CCDC141: variants seen among roughly 807,000 people sequenced by gnomAD.
The protein encoded by CCDC141 is coiled-coil domain containing 141.
Under a neutral mutation model 181.0 loss-of-function variants are expected in CCDC141, and 168 were observed. That is an observed-to-expected ratio of 0.93 (90% CI 0.82 to 1.05). The LOEUF (loss-of-function observed/expected upper bound fraction) is 1.05. Among genes scored for constraint, CCDC141 ranks in the 50% least tolerant of loss-of-function variants. The pLI, the probability that CCDC141 is intolerant of heterozygous loss-of-function variation, is 0.00. For missense variants in CCDC141, 1,902 were observed against 1,788.5 expected, an observed-to-expected ratio of 1.06 and a Z score of -1.14; for synonymous variants, 666 against 642.3, an observed-to-expected ratio of 1.04 and a Z score of -0.56.
At chr2:178,826,223 G>T (rs1024542012), downstream of CCDC141, among the ~76,000 whole-genome samples, 1 of 152,084 alleles carries the variant, frequency 6.6e-6, no homozygotes, top group Non-Finnish European at 1.5e-5. Context: ...TGGATGTGGT[G>T]GATTCACTGA....
chr2:178,856,488 T>C (rs1028730002), intron 17 of CCDC141, 91 bp from the exon 18 acceptor site: 15 of 920,146 alleles, frequency 1.6e-5, no homozygotes, highest in Admixed American at 8.1e-5. Flanking sequence ...CACTTCAAAA[T>C]ACTCATAATC....
chr2:179,035,617 A>T (rs1450188071), intron 2 of CCDC141, among the ~76,000 whole-genome samples: 3 of 152,188 alleles, frequency 2.0e-5, no homozygotes, highest in African/African-American at 7.2e-5. Flanking sequence ...CATGACTGGA[A>T]GTTGATTGAC....
At chr2:178,958,721 G>T (rs199605844) in intron 5 of CCDC141, among the ~76,000 whole-genome samples, 32 of 145,576 alleles carry the variant, frequency 2.2e-4, no homozygotes, top group African/African-American at 4.0e-4. Flanking sequence ...CCTTTTTTTT[G>T]TTTTTTTTAC....
intron 2 of CCDC141, among the ~76,000 whole-genome samples, chr2:179,021,106 T>C (rs1016706539): frequency 6.6e-6 from 1 of 152,190 alleles, no homozygotes; most frequent in Non-Finnish European, 1.5e-5. Context: ...TATAAGATAA[T>C]AAATACTTTG....
At chr2:178,816,408 T>G in the CCDC141 span, among the ~76,000 whole-genome samples, 1 of 152,222 alleles carries the variant, frequency 6.6e-6, no homozygotes, top group Non-Finnish European at 1.5e-5. Context: ...TTCTACTGTA[T>G]GTATGTATCT....
At chr2:178,913,895 T>C (rs1314297561) in intron 7 of CCDC141, among the ~76,000 whole-genome samples, 5 of 152,242 alleles carry the variant, frequency 3.3e-5, no homozygotes, top group African/African-American at 9.6e-5. Context: ...CGATACATTA[T>C]GACCAATCAG....
chr2:178,865,054 A>G (rs1334758491), intron 17 of CCDC141, among the ~76,000 whole-genome samples: 1 of 152,216 alleles, frequency 6.6e-6, no homozygotes, highest in African/African-American at 2.4e-5. Flanking sequence ...AAGCTTAGCT[A>G]GGAGCAGGTG....
intron 2 of CCDC141, among the ~76,000 whole-genome samples, chr2:179,019,453 C>T (rs1350566867): frequency 6.6e-6 from 1 of 152,112 alleles, no homozygotes; most frequent in Non-Finnish European, 1.5e-5. Flanking sequence ...TCAATACTTA[C>T]TGCACATCAC....
chr2:179,027,369 G>C (rs116624564), intron 2 of CCDC141, among the ~76,000 whole-genome samples: 1 of 152,092 alleles, frequency 6.6e-6, no homozygotes, highest in African/African-American at 2.4e-5. Context: ...TTCCGGCCAG[G>C]CATGGTGGCT....
chr2:178,903,072 A>G (rs1687784751), intron 8 of CCDC141, among the ~76,000 whole-genome samples: 1 of 150,344 alleles, frequency 6.7e-6, no homozygotes, highest in Non-Finnish European at 1.5e-5. Context: ...ATCTCACACC[A>G]GTCAGAATGG....
chr2:178,952,953 A>T (rs953370067), intron 5 of CCDC141, among the ~76,000 whole-genome samples: 1 of 152,242 alleles, frequency 6.6e-6, no homozygotes, highest in African/African-American at 2.4e-5. Context: ...TTTTTAATGC[A>T]ATCACTACAG....
intron 23 of CCDC141, chr2:178,835,975 C>T (rs1684460443): frequency 6.6e-6 from 1 of 152,506 alleles, no homozygotes; most frequent in Non-Finnish European, 1.5e-5. Flanking sequence ...ATTTCAAGTA[C>T]CATCAATGGG....
At chr2:179,015,609 C>CATAT in intron 2 of CCDC141, among the ~76,000 whole-genome samples, 1 of 42,586 alleles carries the variant, frequency 2.3e-5, no homozygotes. Context: ...TCATATATCT[C>CATAT]ATATAGCTCA....
chr2:178,815,114 T>C, the CCDC141 span, among the ~76,000 whole-genome samples: 2 of 152,140 alleles, frequency 1.3e-5, no homozygotes, highest in Admixed American at 6.5e-5. Context: ...TGTGAGAAAA[T>C]AAATTTCAGT....
intron 7 of CCDC141, among the ~76,000 whole-genome samples, chr2:178,914,270 C>T (rs1189509407): frequency 6.6e-6 from 1 of 152,214 alleles, no homozygotes; most frequent in Non-Finnish European, 1.5e-5. Flanking sequence ...CGACAACTGA[C>T]ACTTACTTGT....
intron 8 of CCDC141, among the ~76,000 whole-genome samples, chr2:178,901,958 A>G (rs1687715524): frequency 6.6e-6 from 1 of 152,186 alleles, no homozygotes; most frequent in South Asian, 2.1e-4. Context: ...TTATACACCA[A>G]CAACAGACAA....
intron 2 of CCDC141, among the ~76,000 whole-genome samples, chr2:179,039,684 A>T (rs1376476383): frequency 6.6e-6 from 1 of 151,776 alleles, no homozygotes; most frequent in Non-Finnish European, 1.5e-5. Flanking sequence ...TACAAAAAGG[A>T]CTGGAATAAA....
intron 6 of CCDC141, among the ~76,000 whole-genome samples, chr2:178,933,126 G>A (rs1438910957): frequency 6.6e-6 from 1 of 152,128 alleles, no homozygotes; most frequent in African/African-American, 2.4e-5. Context: ...GTGGAAGATG[G>A]TTTTAATCTT....
intron 2 of CCDC141, among the ~76,000 whole-genome samples, chr2:178,989,827 C>G (rs1258436267): frequency 1.0e-5 from 1 of 98,170 alleles, no homozygotes; most frequent in South Asian, 3.5e-4. Context: ...TAGCTATAAT[C>G]TTAAAAAAAA....
Sources: allele counts gnomAD v4.1 joint callset (sites outside exome capture counted in the v4.1 genomes callset), GRCh38; gene constraint gnomAD v4.1.1; transcripts MANE v1.5; gene names NCBI Gene and HGNC (gene_info 2026-07-23, HGNC 2026-07-21).